The following AP3B1 variants were observed in gnomAD, a reference collection of about 807,000 sequenced individuals.
AP3B1 encodes the protein adaptor related protein complex 3 subunit beta 1, also known as AP-3 complex subunit beta-1.
A neutral mutation model predicts 132.5 loss-of-function variants in AP3B1; 61 were observed. The ratio of observed to expected loss-of-function variants is 0.46; its 90% CI spans 0.37 to 0.57. AP3B1 has a LOEUF of 0.57. AP3B1 is among the 20% of genes least tolerant of loss of function. The probability of loss-of-function intolerance (pLI) is 0.00; values close to 1 mark genes in which losing one functional copy is unlikely to be tolerated. For synonymous variants in AP3B1, 388 were observed against 438.3 expected, an observed-to-expected ratio of 0.89 and a Z score of 1.43; for missense variants, 1,120 against 1,289.4, an observed-to-expected ratio of 0.87 and a Z score of 2.01.
chr5:78,047,530 C>G (rs1037512058), intron 22 of AP3B1, among the ~76,000 whole-genome samples: 5 of 152,274 alleles, frequency 3.3e-5, no homozygotes, highest in Admixed American at 1.3e-4. Flanking sequence ...ATCCTTTGCC[C>G]ACTTTTTGAT....
intron 2 of AP3B1, among the ~76,000 whole-genome samples, chr5:78,258,575 C>G (rs1410219806): frequency 6.6e-6 from 1 of 152,142 alleles, no homozygotes; most frequent in Non-Finnish European, 1.5e-5. Context: ...AAGGGAACCC[C>G]TGCACACTGT....
chr5:78,252,510 T>C (rs1747681830), intron 2 of AP3B1, among the ~76,000 whole-genome samples: 1 of 151,866 alleles, frequency 6.6e-6, no homozygotes, highest in African/African-American at 2.4e-5. Context: ...ACTGCCAGAG[T>C]TCCCCCGATA....
intron 24 of AP3B1, among the ~76,000 whole-genome samples, chr5:78,033,645 A>T (rs980478973): frequency 1.3e-5 from 2 of 152,010 alleles, no homozygotes; most frequent in Non-Finnish European, 2.9e-5. Context: ...TGGGCCTTAT[A>T]TCAGAAAAAG....
At chr5:78,175,546 C>T in intron 11 of AP3B1, 80 bp downstream of exon 11, 1 of 1,091,512 alleles carries the variant, frequency 9.2e-7, no homozygotes, top group South Asian at 1.3e-5. Context: ...AGGACTGCAT[C>T]CCACAGGTGC....
intron 22 of AP3B1, among the ~76,000 whole-genome samples, chr5:78,059,573 A>T (rs2112140902): frequency 6.8e-6 from 1 of 147,980 alleles, no homozygotes; most frequent in South Asian, 2.1e-4. Flanking sequence ...GTATTTTCTC[A>T]TTGAACTTAA....
chr5:78,059,466 T>C (rs190602999), intron 22 of AP3B1, among the ~76,000 whole-genome samples: 37 of 152,368 alleles, frequency 2.4e-4, no homozygotes, highest in Admixed American at 1.3e-3. Flanking sequence ...TGAATTCTTA[T>C]GTTGTGAAAC....
chr5:78,097,318 C>T (rs1187837317), intron 21 of AP3B1, among the ~76,000 whole-genome samples: 3 of 130,134 alleles, frequency 2.3e-5, no homozygotes, highest in African/African-American at 5.7e-5. Context: ...CCAGCAGCCC[C>T]GTCCGGGAGG....
chr5:78,197,918 T>C (rs1174368075), intron 7 of AP3B1, among the ~76,000 whole-genome samples: 1 of 152,216 alleles, frequency 6.6e-6, no homozygotes, highest in Non-Finnish European at 1.5e-5. Flanking sequence ...AAATACCTCT[T>C]TGAAACCTGA....
chr5:78,103,612 T>C (rs1751216749), intron 20 of AP3B1, among the ~76,000 whole-genome samples: 2 of 152,126 alleles, frequency 1.3e-5, no homozygotes, highest in African/African-American at 4.8e-5. Flanking sequence ...AAATAGAGGA[T>C]TAGGCTTTTA....
At chr5:78,064,749 A>G (rs1315777367) in intron 22 of AP3B1, among the ~76,000 whole-genome samples, 1 of 152,262 alleles carries the variant, frequency 6.6e-6, no homozygotes, top group Non-Finnish European at 1.5e-5. Flanking sequence ...GTTTAGTCAA[A>G]TAATTTAAAG....
rs577666437 is a variant in AP3B1, at chr5:78,207,193, G to A, written c.786+8862C>T. 1.2e-4 allele frequency among the ~76,000 whole-genome samples: 18 copies of A among 150,296 alleles called. No homozygotes were observed. In the South Asian group the frequency reaches 3.6e-3, roughly 30 times the overall value. On this transcript the variant is annotated intron_variant, in intron 7 of 26. Transcript: ENST00000255194. ...GAATCATTTGCATCCGGGAGGCGGA[G>A]ATTGCAGTGAGCCAAGATCGTGCCA... is the stretch of plus-strand genomic sequence containing the variant.
At chr5:78,113,961 AT>A (rs1450556572) in intron 18 of AP3B1, 38 bp from the exon 19 acceptor site, 3 of 1,601,304 alleles carry the variant, frequency 1.9e-6, no homozygotes, top group Non-Finnish European at 2.6e-6. Flanking sequence ...ATTTATAGTC[AT>A]TTAATTAGAC....
chr5:78,099,430 T>C (rs1487056403), intron 21 of AP3B1, among the ~76,000 whole-genome samples: 1 of 152,004 alleles, frequency 6.6e-6, no homozygotes, highest in East Asian at 1.9e-4. Context: ...GGATGAAATG[T>C]GGATAACAAG....
At chr5:78,124,290 T>C (rs1752367341) in intron 17 of AP3B1, among the ~76,000 whole-genome samples, 1 of 151,264 alleles carries the variant, frequency 6.6e-6, no homozygotes, top group Admixed American at 6.6e-5. Flanking sequence ...ATGGCACATG[T>C]ATACATATGT....
intron 22 of AP3B1, among the ~76,000 whole-genome samples, chr5:78,076,238 T>C (rs1487513493): frequency 6.6e-6 from 1 of 152,242 alleles, no homozygotes; most frequent in African/African-American, 2.4e-5. Flanking sequence ...TTTTCTTTAT[T>C]TTCCCAGTCA....
chr5:78,182,783 C>T (rs1744424613), intron 7 of AP3B1, among the ~76,000 whole-genome samples: 1 of 152,194 alleles, frequency 6.6e-6, no homozygotes, highest in African/African-American at 2.4e-5. Flanking sequence ...TGATCCTAGA[C>T]TTCTACCCTT....
chr5:78,223,153 C>T (rs186758593), intron 6 of AP3B1, among the ~76,000 whole-genome samples: 2,935 of 151,488 alleles, frequency 0.019, 118 homozygotes, highest in African/African-American at 0.065. Context: ...AACAATGGTG[C>T]GTGGCCAGAG....
chr5:78,090,402 A>G (rs1750461118), intron 21 of AP3B1, among the ~76,000 whole-genome samples: 1 of 152,212 alleles, frequency 6.6e-6, no homozygotes, highest in African/African-American at 2.4e-5. Flanking sequence ...CACTAGCTCT[A>G]TGGGATAATA....
chr5:78,255,751 A>G (rs1339546198), intron 2 of AP3B1, among the ~76,000 whole-genome samples: 1 of 152,138 alleles, frequency 6.6e-6, no homozygotes, highest in Admixed American at 6.6e-5. Context: ...AATCTAATAC[A>G]TATTTACAGA....
Sources: gnomAD v4.1 joint callset for allele counts (sites outside exome capture counted in the v4.1 genomes callset) on GRCh38, gnomAD v4.1.1 for gene constraint, MANE v1.5 for transcripts, NCBI Gene and HGNC (gene_info 2026-07-23, HGNC 2026-07-21) for gene names.